PKNOX2: variants seen among roughly 807,000 people sequenced by gnomAD.
PKNOX2 encodes PBX/knotted 1 homeobox 2.
In PKNOX2, 14 loss-of-function variants were observed where a neutral mutation model predicts 53.1. The ratio of observed to expected loss-of-function variants is 0.26; its 90% CI spans 0.17 to 0.41. The LOEUF (loss-of-function observed/expected upper bound fraction) is 0.41. Ranked by LOEUF, PKNOX2 falls within the 10% of genes least tolerant of loss-of-function variation. PKNOX2 has a pLI of 1.00. For missense variants in PKNOX2, 496 were observed against 602.8 expected (o/e 0.82, Z 1.85); for synonymous variants, 257 against 242.8 (o/e 1.06, Z -0.54).
At chr11:125,305,319 G>A (rs1014838781) in intron 2 of PKNOX2, among the ~76,000 whole-genome samples, 2 of 152,202 alleles carry the variant, frequency 1.3e-5, no homozygotes, top group Non-Finnish European at 2.9e-5. Flanking sequence ...ACACCTGGAG[G>A]CCTGACTTGC....
intron 2 of PKNOX2, among the ~76,000 whole-genome samples, chr11:125,280,271 G>A (rs1018473291): frequency 3.6e-4 from 55 of 152,166 alleles, no homozygotes; most frequent in African/African-American, 1.2e-3. Flanking sequence ...TATGCACCTC[G>A]TGACAGCGTG....
At chr11:125,419,230 G>A (rs953291961) in intron 10 of PKNOX2, among the ~76,000 whole-genome samples, 1 of 151,896 alleles carries the variant, frequency 6.6e-6, no homozygotes, top group African/African-American at 2.4e-5. Flanking sequence ...TTCCCCTGCT[G>A]TAAAACAGGA....
At chr11:125,341,099 T>C (rs552865886) in intron 3 of PKNOX2, among the ~76,000 whole-genome samples, 2 of 142,574 alleles carry the variant, frequency 1.4e-5, no homozygotes, top group Non-Finnish European at 3.0e-5. Context: ...CAGTGACTAA[T>C]GTCTATAATC....
At chr11:125,305,793 C>T (rs983334320) in intron 2 of PKNOX2, among the ~76,000 whole-genome samples, 2 of 152,000 alleles carry the variant, frequency 1.3e-5, no homozygotes, top group African/African-American at 2.4e-5. Context: ...AAATTGGATC[C>T]CAGGGCAGGT....
chr11:125,314,898 G>A (rs1591524446), intron 2 of PKNOX2, among the ~76,000 whole-genome samples: 1 of 152,322 alleles, frequency 6.6e-6, no homozygotes, highest in Non-Finnish European at 1.5e-5. Flanking sequence ...CTTTGGGTCA[G>A]GAAAGAGAGT....
At chr11:125,251,565 T>C (rs912920812) in intron 2 of PKNOX2, among the ~76,000 whole-genome samples, 2 of 152,064 alleles carry the variant, frequency 1.3e-5, no homozygotes, top group African/African-American at 4.8e-5. Flanking sequence ...TATGAAATAG[T>C]GTAAGTCCCT....
chr11:125,335,287 C>T (rs1341461383), intron 3 of PKNOX2, among the ~76,000 whole-genome samples: 1 of 152,192 alleles, frequency 6.6e-6, no homozygotes. Flanking sequence ...CAGCCTTCAG[C>T]TTGTCTGCTG....
chr11:125,282,740 G>A (rs1018474233), intron 2 of PKNOX2, among the ~76,000 whole-genome samples: 2 of 152,202 alleles, frequency 1.3e-5, no homozygotes, highest in Non-Finnish European at 2.9e-5. Context: ...CCAGTAAAAC[G>A]TTTTGCAATG....
rs1407574187 is a variant in PKNOX2 at position 125,211,342 on chromosome 11, A to G, written c.-200-23703A>G. ...TATTCCTTTATTTGTTCAGTCATTC[A>G]TTCTACAAATATTTACTGAGTACCT... is the stretch of plus-strand genomic sequence containing the variant. On this transcript the variant is annotated intron_variant, in intron 1 of 12. Coordinates refer to ENST00000298282, the MANE Select transcript of PKNOX2 (RefSeq NM_001382323.2). Among the ~76,000 whole-genome samples the G allele has an allele frequency of 2.6e-5, 4 of 152,116 alleles. 1 individual carries two copies. The highest frequency in any genetic ancestry group is 5.9e-5 in the Non-Finnish European group (4 of 67,992).
intron 2 of PKNOX2, among the ~76,000 whole-genome samples, chr11:125,296,514 T>C (rs1213016540): frequency 6.6e-6 from 1 of 152,202 alleles, no homozygotes. Flanking sequence ...ACGACTACCT[T>C]ACATGAAAGA....
intron 10 of PKNOX2, among the ~76,000 whole-genome samples, chr11:125,413,960 T>G (rs1195368095): frequency 1.3e-5 from 2 of 152,100 alleles, no homozygotes; most frequent in Non-Finnish European, 2.9e-5. Flanking sequence ...TTCACTACTT[T>G]CCACTCCCCA....
chr11:125,266,304 C>A (rs1945337704), intron 2 of PKNOX2, among the ~76,000 whole-genome samples: 2 of 152,142 alleles, frequency 1.3e-5, no homozygotes, highest in Non-Finnish European at 2.9e-5. Flanking sequence ...CCAGTCACCC[C>A]CAGTCCTTTG....
At chr11:125,320,248 C>A (rs1254084860) in intron 2 of PKNOX2, among the ~76,000 whole-genome samples, 1 of 152,132 alleles carries the variant, frequency 6.6e-6, no homozygotes, top group East Asian at 1.9e-4. Context: ...TAGAAATAAG[C>A]TATAGCCCTT....
At chr11:125,321,214 G>C (rs1414928477) in intron 2 of PKNOX2, among the ~76,000 whole-genome samples, 1 of 152,206 alleles carries the variant, frequency 6.6e-6, no homozygotes, top group Non-Finnish European at 1.5e-5. Flanking sequence ...CTATAACCCA[G>C]AGCAGAGATC....
chr11:125,420,830 G>A (rs780635032), intron 10 of PKNOX2, among the ~76,000 whole-genome samples: 2 of 152,162 alleles, frequency 1.3e-5, no homozygotes, highest in Non-Finnish European at 2.9e-5. Context: ...GGGGCATCGT[G>A]TCAATAGGGC....
At chr11:125,231,301 C>T (rs181655357) in intron 1 of PKNOX2, among the ~76,000 whole-genome samples, 97 of 152,334 alleles carry the variant, frequency 6.4e-4, no homozygotes, top group African/African-American at 1.9e-3. Context: ...AGTTCTATCA[C>T]GCTACCTCCT....
chr11:125,389,384 C>T (rs570512045), intron 6 of PKNOX2, among the ~76,000 whole-genome samples: 17 of 152,264 alleles, frequency 1.1e-4, no homozygotes, highest in Non-Finnish European at 2.4e-4. Flanking sequence ...AATAAAAGTG[C>T]CCCCGATATC....
At chr11:125,316,841 A>G (rs936231643) in intron 2 of PKNOX2, among the ~76,000 whole-genome samples, 13 of 152,352 alleles carry the variant, frequency 8.5e-5, no homozygotes, top group African/African-American at 2.2e-4. Context: ...TCTTAAAATA[A>G]GACAACAATG....
intron 2 of PKNOX2, among the ~76,000 whole-genome samples, chr11:125,329,579 G>A (rs892895149): frequency 8.5e-5 from 13 of 152,200 alleles, no homozygotes; most frequent in African/African-American, 3.1e-4. Flanking sequence ...CATGAGACAG[G>A]ATGTGACTAG....
Sources: allele counts gnomAD v4.1 joint callset (sites outside exome capture counted in the v4.1 genomes callset), GRCh38; gene constraint gnomAD v4.1.1; transcripts MANE v1.5; gene names NCBI Gene and HGNC (gene_info 2026-07-23, HGNC 2026-07-21).